The following MAP3K10 variants were observed in gnomAD, a reference collection of about 807,000 sequenced individuals.
The protein encoded by MAP3K10 is mitogen-activated protein kinase kinase kinase 10, also known as MKN28 derived nonreceptor_type serine/threonine kinase.
MAP3K10 carries 22 observed loss-of-function variants against 75.0 expected under a neutral mutation model. The ratio of observed to expected loss-of-function variants is 0.29; its 90% CI spans 0.21 to 0.42. The LOEUF (loss-of-function observed/expected upper bound fraction) is 0.42. MAP3K10 is among the 10% of genes least tolerant of loss of function. The probability of loss-of-function intolerance (pLI) is 1.00; values close to 1 mark genes in which losing one functional copy is unlikely to be tolerated. For synonymous variants in MAP3K10, 599 were observed against 612.9 expected, an observed-to-expected ratio of 0.98 and a Z score of 0.34; for missense variants, 1,165 against 1,379.8, an observed-to-expected ratio of 0.84 and a Z score of 2.47.
intron 1 of MAP3K10, among the ~76,000 whole-genome samples, chr19:40,197,011 A>G (rs1972919380): frequency 6.6e-6 from 1 of 152,202 alleles, no homozygotes; most frequent in African/African-American, 2.4e-5. Context: ...TGTCACGATC[A>G]TGCTGTGTAA....
intron 6 of MAP3K10, among the ~76,000 whole-genome samples, chr19:40,211,684 A>G (rs1178210546): frequency 2.0e-5 from 3 of 151,956 alleles, no homozygotes; most frequent in African/African-American, 4.8e-5. Flanking sequence ...AGCTCCATCC[A>G]TGTCCCTGCA....
Position 40,214,004 on chromosome 19 carries a change from C to A in MAP3K10, c.2325C>A (p.Ser775=). The part of the protein sequence containing the change: ...DSDEAAPAAP[S]PPPSPPAPTP... ...ACGAGGCCGCACCGGCCGCGCCCTC[C>A]CCACCACCCTCCCCGCCCGCGCCCA... Residue 775 remains serine (S), a synonymous_variant, in exon 9 of 10, where the codon TCC becomes TCA. Transcript: ENST00000253055. 6.6e-7 allele frequency: 1 copy of A among 1,508,962 alleles called. No homozygotes were observed. The highest frequency in any genetic ancestry group is 2.1e-5 in the Admixed American group (1 of 47,858). The allele number at this position is 1,508,962 out of a possible 1,614,324, so 93.5% of individuals were successfully genotyped here.
rs1026704378 is a variant in MAP3K10, at chr19:40,198,238, G to A, written c.683-137G>A. On this transcript the variant is annotated intron_variant, in intron 1 of 9. Coordinates refer to ENST00000253055, the MANE Select transcript of MAP3K10 (RefSeq NM_002446.4). This position sits in a 1 kb window ranked among gnomAD's most constrained non-coding sequence, Gnocchi z 4.3. ...GGGGCTCATGGATGTTCCAGGCCAG[G>A]AAAGGACCTGCCACAGAGCGGGGCA... is the stretch of plus-strand genomic sequence containing the variant. The A allele has an allele frequency of 7.8e-6, 6 of 774,018 alleles. No homozygotes were observed. The highest frequency in any genetic ancestry group is 1.0e-5 in the Non-Finnish European group (5 of 491,116). The allele number at this position is 774,018 out of a possible 1,614,324, so 47.9% of individuals were successfully genotyped here. A position where few individuals can be genotyped will look rare whatever the true frequency, so the allele number is the denominator to read the frequency against.
intron 1 of MAP3K10, among the ~76,000 whole-genome samples, chr19:40,194,391 C>A (rs1199436630): frequency 6.6e-6 from 1 of 151,976 alleles, no homozygotes; most frequent in Non-Finnish European, 1.5e-5. Flanking sequence ...CCACGATGTG[C>A]CAGAGCTGGT....
chr19:40,205,559 AGAG>A lies in MAP3K10; in HGVS notation c.1188+267_1188+269del. 1.8e-6 allele frequency: 1 copy of A among 549,258 alleles called. No homozygotes were observed. Among genetic ancestry groups the A allele is most frequent in the East Asian group, 2.9e-5 (1 of 34,698 alleles). The allele number at this position is 549,258 out of a possible 1,614,324, so 34.0% of individuals were successfully genotyped here. ...CTACAGCAGAAACGAAGAGAGGGCA[AGAG>A]GAGAGAAGGACGGGGATACAAGATT... On this transcript the variant is annotated intron_variant, in intron 4 of 9. Transcript: ENST00000253055. This position sits in a 1 kb window ranked among gnomAD's most constrained non-coding sequence, Gnocchi z 4.3.
chr19:40,208,310 T>A (rs542333476), intron 5 of MAP3K10, among the ~76,000 whole-genome samples: 2 of 148,420 alleles, frequency 1.3e-5, no homozygotes, highest in African/African-American at 2.4e-5. Context: ...TAGCTGGGAC[T>A]ACAGGCACCC....
chr19:40,214,188 CG>C lies in MAP3K10; in HGVS notation c.2514del (p.Pro839ArgfsTer43). The part of the protein sequence containing the change: ...RTPSDGALGQ[R>X]GPPEPAGHGP... ...GCCATCGGACGGGGCGCTGGGGCAG[CG>C]GGGGCCGCCCGAGCCCGCGGGCCAT... On this transcript the variant is annotated frameshift_variant, in exon 9 of 10. Transcript: ENST00000253055. LOFTEE classifies it high-confidence loss of function. 3 of 1,454,242 alleles carry C rather than the reference CG, an allele frequency of 2.1e-6. No individual in the cohort carries two copies. Among genetic ancestry groups the C allele is most frequent in the Non-Finnish European group, 1.8e-6 (2 of 1,113,902 alleles). 90.1% of individuals were successfully genotyped at this position (1,454,242 alleles called of 1,614,324 possible).
rs780134903 is a variant in MAP3K10 at position 40,192,285 on chromosome 19, C to T, written c.254C>T (p.Ala85Val). The T allele has an allele frequency of 2.4e-5, 39 of 1,593,968 alleles. No individual in the cohort carries two copies. Among genetic ancestry groups the T allele is most frequent in the Non-Finnish European group, 3.2e-5 (37 of 1,173,398 alleles). The change falls in exon 1 of 10, where the codon GCG (alanine) becomes GTG (valine). Residue 85 changes from alanine to valine, a missense_variant. Ala to Val is a moderately conservative substitution (Grantham distance 64). Around this residue, in one of 2 missense-constraint regions of MAP3K10, gnomAD observed 575 missense variants for 793.2 expected, o/e 0.72. Coordinates refer to ENST00000253055, the MANE Select transcript of MAP3K10 (RefSeq NM_002446.4). The surrounding 1 kb of genome is among the most constrained non-coding windows in gnomAD (Gnocchi z 7.1). ...YVAPGAPAAP[A>V]GLQLPQEIPF... Reference sequence around the variant, plus strand: ...GCCCCCGGCGCCCCCGCTGCACCCGCGGGCCTCCAGCTGCCCCAGGAGATC... The same window carrying T: ...GCCCCCGGCGCCCCCGCTGCACCCGTGGGCCTCCAGCTGCCCCAGGAGATC...
At chr19:40,200,849 A>G (rs1167336017) in intron 2 of MAP3K10, among the ~76,000 whole-genome samples, 1 of 151,758 alleles carries the variant, frequency 6.6e-6, no homozygotes, top group Non-Finnish European at 1.5e-5. Context: ...ACCTCAGGTG[A>G]TCCGCCCGCC....
At chr19:40,194,127 G>A (rs886686619) in intron 1 of MAP3K10, among the ~76,000 whole-genome samples, 3 of 152,264 alleles carry the variant, frequency 2.0e-5, no homozygotes, top group East Asian at 3.9e-4. Flanking sequence ...TTGGGAGGCC[G>A]ACGTGGGTGC....
At chr19:40,202,378 T>C (rs1973043142) in intron 2 of MAP3K10, among the ~76,000 whole-genome samples, 1 of 152,182 alleles carries the variant, frequency 6.6e-6, no homozygotes, top group South Asian at 2.1e-4. Context: ...CCTGCGCTCC[T>C]GTGCCTGTCT....
intron 5 of MAP3K10, among the ~76,000 whole-genome samples, chr19:40,208,461 G>A (rs919436675): frequency 6.8e-6 from 1 of 146,230 alleles, no homozygotes; most frequent in Non-Finnish European, 1.5e-5. Context: ...CTCCCAAAGT[G>A]CTGGGATTAC....
Position 40,215,447 on chromosome 19 carries a change from T to G in MAP3K10, c.*155T>G. The G allele has an allele frequency of 1.4e-6, 1 of 715,720 alleles. No individual in the cohort carries two copies. Among genetic ancestry groups the G allele is most frequent in the Non-Finnish European group, 2.3e-6 (1 of 443,442 alleles). The allele number at this position is 715,720 out of a possible 1,614,324, so 44.3% of individuals were successfully genotyped here. On this transcript the variant is annotated 3_prime_UTR_variant, in exon 10 of 10. Coordinates refer to ENST00000253055, the MANE Select transcript of MAP3K10 (RefSeq NM_002446.4). ...GGGGGGGGACACTTAACTTATTCCTTTGTACCCCAGGGGGTGGAGCCCTGT... is the reference window on the plus strand; with the variant it reads ...GGGGGGGGACACTTAACTTATTCCTGTGTACCCCAGGGGGTGGAGCCCTGT...
At chr19:40,214,722 C>T (rs1028213157) in intron 9 of MAP3K10, among the ~76,000 whole-genome samples, 14 of 152,250 alleles carry the variant, frequency 9.2e-5, no homozygotes, top group African/African-American at 3.4e-4. Context: ...CCGAGGCTGC[C>T]GCTAAGCAGC....
Position 40,205,424 on chromosome 19 carries a change from G to A in MAP3K10, c.1188+128G>A. The A allele has an allele frequency of 2.0e-6, 2 of 998,276 alleles. No homozygotes were observed. The highest frequency in any genetic ancestry group is 2.9e-6 in the Non-Finnish European group (2 of 687,306). 61.8% of individuals were successfully genotyped at this position (998,276 alleles called of 1,614,324 possible). On this transcript the variant is annotated intron_variant, in intron 4 of 9. Transcript: ENST00000253055. This position sits in a 1 kb window ranked among gnomAD's most constrained non-coding sequence, Gnocchi z 4.3. Reference sequence around the variant, plus strand: ...ATGCAGGGTCAAGGGAGCCTTTTTTGCATATTAAGAAAAGACAGCCTCCTG... The same window carrying A: ...ATGCAGGGTCAAGGGAGCCTTTTTTACATATTAAGAAAAGACAGCCTCCTG...
Position 40,215,154 on chromosome 19 carries a change from C to A in MAP3K10, c.2727C>A (p.Thr909=). The A allele has an allele frequency of 1.2e-6, 2 of 1,608,270 alleles. No homozygotes were observed. Among genetic ancestry groups the A allele is most frequent in the Non-Finnish European group, 1.7e-6 (2 of 1,178,016 alleles). ...WKLVSFGRTL[T]ISPPSRPDTP... is the part of the protein sequence containing the mutation. Reference sequence around the variant, plus strand: ...TGGTCTCCTTCGGCCGGACACTCACCATCTCGCCTCCCAGCAGGCCAGACA... The same window carrying A: ...TGGTCTCCTTCGGCCGGACACTCACAATCTCGCCTCCCAGCAGGCCAGACA... Residue 909 remains threonine (T), a synonymous_variant, in exon 10 of 10, where the codon ACC becomes ACA. Coordinates refer to ENST00000253055, the MANE Select transcript of MAP3K10 (RefSeq NM_002446.4).
chr19:40,205,127 G>A lies in MAP3K10; in HGVS notation c.1019G>A (p.Trp340Ter). 1 of 1,612,852 alleles carries A rather than the reference G, an allele frequency of 6.2e-7. No individual in the cohort carries two copies. Among genetic ancestry groups the A allele is most frequent in the South Asian group, 1.1e-5 (1 of 91,028 alleles). The change falls in exon 4 of 10, where the codon TGG (tryptophan) becomes TAG (stop). Residue 340 changes from tryptophan (W) to a stop codon, truncating the protein, a stop_gained. Transcript: ENST00000253055. LOFTEE classifies it high-confidence loss of function. This position sits in a 1 kb window ranked among gnomAD's most constrained non-coding sequence, Gnocchi z 4.3. ...EPFARLLEEC[W>*]DPDPHGRPDF... ...CTTCCTCCTCCCACCCCAGAATGCT[G>A]GGACCCAGACCCCCACGGGCGGCCA...
intron 2 of MAP3K10, among the ~76,000 whole-genome samples, chr19:40,201,152 T>G (rs1384405652): frequency 6.6e-6 from 1 of 151,552 alleles, no homozygotes; most frequent in African/African-American, 2.4e-5. Context: ...CCAAAATGAC[T>G]GCTTGAGCTC....
At position 40,214,007 on chromosome 19, in the gene MAP3K10, A is replaced by ACCCCCCACCCCCCCCCCCCCC; in HGVS notation, c.2330_2331insCCCCACCCCCCCCCCCCCCCC (p.Pro778_Ser779insThrProProProProProPro). 3.9e-6 allele frequency: 2 copies of ACCCCCCACCCCCCCCCCCCCC among 512,948 alleles called. No homozygotes were observed. Among genetic ancestry groups the ACCCCCCACCCCCCCCCCCCCC allele is most frequent in the Admixed American group, 5.8e-5 (1 of 17,364 alleles). The allele number at this position is 512,948 out of a possible 1,614,324, so 31.8% of individuals were successfully genotyped here. The stretch of plus-strand genomic sequence containing the variant: ...AGGCCGCACCGGCCGCGCCCTCCCC[A>ACCCCCCACCCCCCCCCCCCCC]CCACCCTCCCCGCCCGCGCCCACAC... On this transcript the variant is annotated inframe_insertion, in exon 9 of 10. Transcript: ENST00000253055.
Sources: allele counts gnomAD v4.1 joint callset (sites outside exome capture counted in the v4.1 genomes callset), GRCh38; gene constraint gnomAD v4.1.1; regional missense constraint gnomAD v4.1.1; non-coding constraint Gnocchi (gnomAD v3.1); transcripts MANE v1.5; gene names NCBI Gene and HGNC (gene_info 2026-07-23, HGNC 2026-07-21).